Variants in PITPNB observed in about 807,000 individuals in gnomAD.
The protein encoded by PITPNB is phosphatidylinositol transfer protein beta isoform.
PITPNB carries 16 observed loss-of-function variants against 45.9 expected under a neutral mutation model. The ratio of observed to expected loss-of-function variants is 0.35; its 90% CI spans 0.24 to 0.53. The LOEUF is 0.53. Among genes scored for constraint, PITPNB ranks in the 20% least tolerant of loss-of-function variants. The pLI is 0.93. For synonymous variants in PITPNB, 112 were observed against 108.9 expected, an observed-to-expected ratio of 1.03 and a Z score of -0.18; for missense variants, 188 against 330.5, an observed-to-expected ratio of 0.57 and a Z score of 3.34.
chr22:27,894,415 C>T (rs1601412856), intron 7 of PITPNB, 140 bp downstream of exon 7: 1 of 583,958 alleles, frequency 1.7e-6, no homozygotes, highest in South Asian at 2.2e-5. Context: ...GACTTCACTC[C>T]AAGCTCACTT....
intron 8 of PITPNB, among the ~76,000 whole-genome samples, chr22:27,872,858 C>T (rs750332904): frequency 6.6e-6 from 1 of 152,212 alleles, no homozygotes; most frequent in African/African-American, 2.4e-5. Flanking sequence ...CTTTAAGGAT[C>T]TGTCATTTAG....
intron 1 of PITPNB, among the ~76,000 whole-genome samples, chr22:27,918,179 T>C (rs1404629606): frequency 6.6e-6 from 1 of 152,162 alleles, no homozygotes; most frequent in Non-Finnish European, 1.5e-5. Flanking sequence ...CAGGGAGTCT[T>C]TGGGAGGTAT....
intron 3 of PITPNB, among the ~76,000 whole-genome samples, chr22:27,907,339 T>C (rs1222003525): frequency 6.6e-6 from 1 of 152,214 alleles, no homozygotes; most frequent in Non-Finnish European, 1.5e-5. Flanking sequence ...TACTACTAAA[T>C]GATTCTTTGC....
chr22:27,889,819 C>T (rs1305076687), intron 7 of PITPNB, among the ~76,000 whole-genome samples: 1 of 152,184 alleles, frequency 6.6e-6, no homozygotes, highest in East Asian at 1.9e-4. Context: ...ATGACATTAC[C>T]GTTTTAGAAT....
chr22:27,853,475 T>C lies in PITPNB; in HGVS notation c.*227A>G. ...GTGTATCTGGATCTGTAGCTCTACA[T>C]GCGCTTTATATACAGCTACAGACAT... On this transcript the variant is annotated 3_prime_UTR_variant, in exon 12 of 12. Transcript: ENST00000335272. The C allele has an allele frequency of 3.0e-6, 2 of 672,954 alleles. No individual in the cohort carries two copies. Among genetic ancestry groups the C allele is most frequent in the Non-Finnish European group, 5.3e-6 (2 of 375,260 alleles). 41.7% of individuals were successfully genotyped at this position (672,954 alleles called of 1,614,324 possible).
At chr22:27,888,633 GAAC>G (rs1389000892) in intron 7 of PITPNB, among the ~76,000 whole-genome samples, 2 of 152,188 alleles carry the variant, frequency 1.3e-5, no homozygotes, top group East Asian at 3.8e-4. Context: ...TAAACAAAGA[GAAC>G]AAAACACACC....
Position 27,853,649 on chromosome 22 carries a change from A to G in PITPNB, c.*53T>C. 6.4e-7 allele frequency: 1 copy of G among 1,550,594 alleles called. No homozygotes were observed. The highest frequency in any genetic ancestry group is 2.4e-5 in the East Asian group (1 of 40,914). On this transcript the variant is annotated 3_prime_UTR_variant, in exon 12 of 12. Transcript: ENST00000335272. ...TGGCTGCGCTTGTTCCCCTCACTTG[A>G]CCTTGATTACGTAACTGTAAGAAAA...
At chr22:27,910,834 G>T in intron 3 of PITPNB, 130 bp downstream of exon 3, 1 of 651,594 alleles carries the variant, frequency 1.5e-6, no homozygotes, top group Non-Finnish European at 2.7e-6. Flanking sequence ...TTCTGCCAAA[G>T]AATTAAAATG....
In PITPNB at chr22:27,915,498, T is replaced by C. The variant is rs115228233; in HGVS notation, c.21-1151A>G. On this transcript the variant is annotated intron_variant, in intron 1 of 11. Coordinates refer to ENST00000335272, the MANE Select transcript of PITPNB (RefSeq NM_012399.5). Reference sequence around the variant, plus strand: ...GCTACACTTTCCATCTACTCCTTTCTCCCTACTCTCCTCAAACATCTATGT... The same window carrying C: ...GCTACACTTTCCATCTACTCCTTTCCCCCTACTCTCCTCAAACATCTATGT... Among the ~76,000 whole-genome samples, 1,025 of 152,178 alleles carry C rather than the reference T, an allele frequency of 6.7e-3. 7 individuals are homozygous for C. The highest frequency in any genetic ancestry group is 0.022 in the African/African-American group (930 of 41,500).
At chr22:27,906,235 T>C (rs1935757269) in intron 3 of PITPNB, among the ~76,000 whole-genome samples, 1 of 152,208 alleles carries the variant, frequency 6.6e-6, no homozygotes, top group South Asian at 2.1e-4. Flanking sequence ...GAACAGTTTA[T>C]GTTAGGAAGA....
intron 7 of PITPNB, among the ~76,000 whole-genome samples, chr22:27,884,310 G>T (rs561045135): frequency 6.6e-6 from 1 of 152,310 alleles, no homozygotes; most frequent in South Asian, 2.1e-4. Flanking sequence ...TCATGGGCAG[G>T]TAAGGAAGAG....
chr22:27,896,676 G>T, intron 5 of PITPNB, 50 bp from the exon 6 acceptor site: 1 of 1,263,794 alleles, frequency 7.9e-7, no homozygotes, highest in Non-Finnish European at 1.2e-6. Context: ...CCTGTTCCTT[G>T]GTGCCCACGT....
chr22:27,880,686 G>A (rs1031781484), intron 7 of PITPNB, among the ~76,000 whole-genome samples: 3 of 151,670 alleles, frequency 2.0e-5, no homozygotes, highest in Non-Finnish European at 4.4e-5. Context: ...GCAATGGCAC[G>A]ATCTCGGCTC....
rs1202075663 is a variant in PITPNB at position 27,853,321 on chromosome 22, T to G, written c.*381A>C. On this transcript the variant is annotated 3_prime_UTR_variant, in exon 12 of 12. Coordinates refer to ENST00000335272, the MANE Select transcript of PITPNB (RefSeq NM_012399.5). ...TTAATGGTATTACTCTGATAATTAT[T>G]AAAATCTGTTCCAGGTATATATATT... 2.0e-5 allele frequency: 7 copies of G among 348,904 alleles called. No homozygotes were observed. Among genetic ancestry groups the G allele is most frequent in the African/African-American group, 1.5e-4 (7 of 47,758 alleles). The allele number at this position is 348,904 out of a possible 1,614,324, so 21.6% of individuals were successfully genotyped here. A position where few individuals can be genotyped will look rare whatever the true frequency, so the allele number is the denominator to read the frequency against.
At chr22:27,865,856 A>G (rs889025990) in intron 8 of PITPNB, among the ~76,000 whole-genome samples, 1 of 152,188 alleles carries the variant, frequency 6.6e-6, no homozygotes, top group East Asian at 1.9e-4. Context: ...ACCTAAAATA[A>G]AAGTTTTAAA....
At chr22:27,877,258 G>A (rs1001532887) in intron 7 of PITPNB, among the ~76,000 whole-genome samples, 1 of 152,222 alleles carries the variant, frequency 6.6e-6, no homozygotes, top group African/African-American at 2.4e-5. Flanking sequence ...TCATTATCAA[G>A]TTAGGTGTAA....
chr22:27,909,329 G>A (rs1228966706), intron 3 of PITPNB, among the ~76,000 whole-genome samples: 1 of 148,158 alleles, frequency 6.7e-6, no homozygotes, highest in Non-Finnish European at 1.5e-5. Context: ...AGCCTCCCAA[G>A]TTCTGGGATT....
chr22:27,861,245 G>C (rs1173749686), intron 8 of PITPNB, among the ~76,000 whole-genome samples: 2 of 151,876 alleles, frequency 1.3e-5, no homozygotes, highest in Admixed American at 6.6e-5. Flanking sequence ...AGGTTGCAGT[G>C]AGCTGAGGTC....
intron 11 of PITPNB, 31 bp downstream of exon 11, chr22:27,854,823 G>T: frequency 1.4e-6 from 2 of 1,428,652 alleles, no homozygotes; most frequent in Non-Finnish European, 2.0e-6. Flanking sequence ...TACAGGTTTC[G>T]AAACATCTTT....
Sources: gnomAD v4.1 joint callset for allele counts (sites outside exome capture counted in the v4.1 genomes callset) on GRCh38, gnomAD v4.1.1 for gene constraint, MANE v1.5 for transcripts, NCBI Gene and HGNC (gene_info 2026-07-23, HGNC 2026-07-21) for gene names.